Variants in MYO1H observed in about 807,000 individuals in gnomAD.
The protein encoded by MYO1H is myosin IH, also known as unconventional myosin-Ih.
In MYO1H, 118 loss-of-function variants were observed where a neutral mutation model predicts 149.3. The observed-to-expected ratio is 0.79, with a 90% CI of 0.68 to 0.92. The LOEUF is 0.92. Among genes scored for constraint, MYO1H ranks in the 40% least tolerant of loss-of-function variants. The pLI is 0.00. For missense variants in MYO1H, 1,212 were observed against 1,280.7 expected (o/e 0.95, Z 0.82); for synonymous variants, 447 against 465.2 (o/e 0.96, Z 0.50).
At chr12:109,371,284 T>C (rs1868979431) in intron 1 of MYO1H, among the ~76,000 whole-genome samples, 1 of 150,832 alleles carries the variant, frequency 6.6e-6, no homozygotes, top group Non-Finnish European at 1.5e-5. Flanking sequence ...GGTGCAGTTA[T>C]GACTCACTGC....
intron 10 of MYO1H, 48 bp downstream of exon 10, chr12:109,407,961 T>C: frequency 6.4e-7 from 1 of 1,570,820 alleles, no homozygotes; most frequent in Non-Finnish European, 8.6e-7. Context: ...CGTGGTGATG[T>C]TTTATAATCA....
chr12:109,337,266 A>G, the MYO1H span, among the ~76,000 whole-genome samples: 1 of 152,162 alleles, frequency 6.6e-6, no homozygotes, highest in Non-Finnish European at 1.5e-5. Flanking sequence ...TTAGCTTCAT[A>G]TATTCTTATA....
At chr12:109,343,842 G>A (rs991418729), upstream of MYO1H, among the ~76,000 whole-genome samples, 6 of 152,168 alleles carry the variant, frequency 3.9e-5, no homozygotes, top group Admixed American at 2.0e-4. Flanking sequence ...TAGCTGACTC[G>A]CTGGGGACTT....
intron 1 of MYO1H, among the ~76,000 whole-genome samples, chr12:109,363,447 C>A (rs1272231557): frequency 6.6e-6 from 1 of 152,188 alleles, no homozygotes; most frequent in African/African-American, 2.4e-5. Flanking sequence ...GGCGCGGTGG[C>A]TCACGCCTGT....
chr12:109,362,575 G>C (rs1430361713), intron 1 of MYO1H, among the ~76,000 whole-genome samples: 1 of 152,198 alleles, frequency 6.6e-6, no homozygotes, highest in Non-Finnish European at 1.5e-5. Flanking sequence ...GCTTGGGTTT[G>C]ATGAAGAGGG....
chr12:109,361,137 T>TTGGG (rs1868736800), intron 1 of MYO1H, among the ~76,000 whole-genome samples: 1 of 152,176 alleles, frequency 6.6e-6, no homozygotes, highest in African/African-American at 2.4e-5. Context: ...GGAAGGAAAA[T>TTGGG]ACAACAGAAT....
chr12:109,416,767 C>T (rs1870929628), intron 15 of MYO1H, among the ~76,000 whole-genome samples: 1 of 152,136 alleles, frequency 6.6e-6, no homozygotes, highest in South Asian at 2.1e-4. Context: ...GGGAGCAGAT[C>T]ACCTGAGGTC....
Position 109,446,008 on chromosome 12 carries a change from T to C in MYO1H, c.3093+396T>C, listed in dbSNP as rs889333321. On this transcript the variant is annotated intron_variant, in intron 31 of 31. Coordinates refer to ENST00000310903, the Ensembl canonical transcript of MYO1H. ...ATACTGAGACTTAATTGGTTGGAGGTGCGGCTTAGGCTTCAGGATGCAAGA... is the reference window on the plus strand; with the variant it reads ...ATACTGAGACTTAATTGGTTGGAGGCGCGGCTTAGGCTTCAGGATGCAAGA... 3 of 985,130 alleles carry C rather than the reference T, an allele frequency of 3.0e-6. No individual in the cohort carries two copies. In the Admixed American group the frequency reaches 1.8e-4, roughly 61 times the overall value. The allele number at this position is 985,130 out of a possible 1,614,324, so 61.0% of individuals were successfully genotyped here. A position where few individuals can be genotyped will look rare whatever the true frequency, so the allele number is the denominator to read the frequency against.
chr12:109,382,031 C>A (rs1479390909), intron 1 of MYO1H, among the ~76,000 whole-genome samples: 1 of 152,180 alleles, frequency 6.6e-6, no homozygotes, highest in East Asian at 1.9e-4. Context: ...AGGGAAATTT[C>A]TCTTTATAGA....
chr12:109,407,965 A>G (rs962935907), intron 10 of MYO1H, 52 bp downstream of exon 10: 17 of 1,569,018 alleles, frequency 1.1e-5, no homozygotes, highest in African/African-American at 5.3e-5. Flanking sequence ...GTGATGTTTT[A>G]TAATCATCGT....
the MYO1H span, among the ~76,000 whole-genome samples, chr12:109,323,661 A>C: frequency 6.6e-6 from 1 of 152,228 alleles, no homozygotes; most frequent in African/African-American, 2.4e-5. Context: ...AGAAGGTTCT[A>C]GAAGGTCTGC....
the MYO1H span, among the ~76,000 whole-genome samples, chr12:109,318,654 A>G: frequency 6.6e-6 from 1 of 152,184 alleles, no homozygotes; most frequent in Non-Finnish European, 1.5e-5. Context: ...GGCACATTCT[A>G]CAATAGACTG....
intron 31 of MYO1H, chr12:109,446,952 T>G: frequency 1.6e-6 from 1 of 622,252 alleles, no homozygotes; most frequent in South Asian, 1.8e-5. Context: ...GGAGTCCATC[T>G]TCCTCCCTGA....
At chr12:109,349,831 G>A (rs923440641) in intron 1 of MYO1H, among the ~76,000 whole-genome samples, 6 of 151,224 alleles carry the variant, frequency 4.0e-5, no homozygotes, top group Admixed American at 2.0e-4. Flanking sequence ...CGTGGTAGGG[G>A]GTGCCTATAG....
chr12:109,323,068 C>T, the MYO1H span, among the ~76,000 whole-genome samples: 1 of 152,160 alleles, frequency 6.6e-6, no homozygotes, highest in African/African-American at 2.4e-5. Context: ...GATCACGCCA[C>T]TGCACTCCAA....
chr12:109,322,124 A>G, the MYO1H span, among the ~76,000 whole-genome samples: 1 of 152,168 alleles, frequency 6.6e-6, no homozygotes, highest in Non-Finnish European at 1.5e-5. Context: ...GGTCTTTAAG[A>G]CCATAAAGAT....
At chr12:109,408,083 G>A in intron 10 of MYO1H, 170 bp downstream of exon 10, 5 of 785,292 alleles carry the variant, frequency 6.4e-6, no homozygotes, top group South Asian at 3.4e-5. Context: ...ATGGGTGCAT[G>A]CCGAATGACT....
At chr12:109,320,414 AC>A in the MYO1H span, among the ~76,000 whole-genome samples, 1 of 132,926 alleles carries the variant, frequency 7.5e-6, no homozygotes, top group Non-Finnish European at 1.5e-5. Flanking sequence ...GTTCCAGACT[AC>A]CCTGGCCAAC....
At position 109,435,119 on chromosome 12, in the gene MYO1H, ATTTCT is replaced by A; in HGVS notation, c.2140+10_2140+14del. ...ATTTAGTAAACATCAACTAGGTATGATTTCTTTTTCTGTCCCGATTTCAATAGAAT... is the reference window on the plus strand; with the variant it reads ...ATTTAGTAAACATCAACTAGGTATGATTTTCTGTCCCGATTTCAATAGAAT... On this transcript the variant is annotated splice_region_variant and intron_variant, in intron 21 of 31. Coordinates refer to ENST00000310903, the Ensembl canonical transcript of MYO1H. 6.3e-7 allele frequency: 1 copy of A among 1,580,016 alleles called. No homozygotes were observed. The highest frequency in any genetic ancestry group is 8.7e-7 in the Non-Finnish European group (1 of 1,154,558).
Sources: allele counts gnomAD v4.1 joint callset (sites outside exome capture counted in the v4.1 genomes callset), GRCh38; gene constraint gnomAD v4.1.1; transcripts MANE v1.5; gene names NCBI Gene and HGNC (gene_info 2026-07-23, HGNC 2026-07-21).